Variants in CNTNAP4 observed in about 807,000 individuals in gnomAD.
The protein encoded by CNTNAP4 is contactin associated protein family member 4.
In CNTNAP4, 98 loss-of-function variants were observed where a neutral mutation model predicts 148.4. The ratio of observed to expected loss-of-function variants is 0.66; its 90% CI spans 0.56 to 0.78. The LOEUF (loss-of-function observed/expected upper bound fraction) is 0.78. CNTNAP4 is among the 30% of genes least tolerant of loss of function. The pLI is 0.00. For synonymous variants in CNTNAP4, 730 were observed against 565.1 expected (o/e 1.29, Z -4.14); for missense variants, 1,935 against 1,565.6 (o/e 1.24, Z -3.98).
chr16:76,459,332 A>G (rs1326472281), intron 8 of CNTNAP4, among the ~76,000 whole-genome samples: 1 of 152,250 alleles, frequency 6.6e-6, no homozygotes, highest in Non-Finnish European at 1.5e-5. Context: ...TCTATTTCAG[A>G]GTCCACTCTT....
At chr16:76,445,006 T>C (rs1432558180) in intron 4 of CNTNAP4, among the ~76,000 whole-genome samples, 1 of 152,186 alleles carries the variant, frequency 6.6e-6, no homozygotes, top group African/African-American at 2.4e-5. Context: ...GAGTACTAAA[T>C]TATTTCCTGT....
intron 12 of CNTNAP4, among the ~76,000 whole-genome samples, chr16:76,480,897 A>G (rs2143673914): frequency 6.6e-6 from 1 of 152,348 alleles, no homozygotes; most frequent in South Asian, 2.1e-4. Flanking sequence ...CAACAAGCAT[A>G]TTCTAAAATT....
chr16:76,374,981 C>T (rs1232930820), intron 3 of CNTNAP4, among the ~76,000 whole-genome samples: 1 of 151,904 alleles, frequency 6.6e-6, no homozygotes, highest in Non-Finnish European at 1.5e-5. Context: ...GTTGGCCAGG[C>T]TGGTCTCGAA....
intron 3 of CNTNAP4, among the ~76,000 whole-genome samples, chr16:76,357,216 G>C (rs1004703207): frequency 6.6e-6 from 1 of 152,106 alleles, no homozygotes; most frequent in Non-Finnish European, 1.5e-5. Flanking sequence ...TAGATGTTTG[G>C]ATTATCTTCT....
intron 7 of CNTNAP4, among the ~76,000 whole-genome samples, chr16:76,451,906 AAAGAT>A (rs2080497486): frequency 6.6e-6 from 1 of 152,170 alleles, no homozygotes; most frequent in African/African-American, 2.4e-5. Context: ...AACACAAAGA[AAAGAT>A]AAATGTTTGA....
chr16:76,316,247 G>A, intron 1 of CNTNAP4, 166 bp from the exon 2 acceptor site: 2 of 654,618 alleles, frequency 3.1e-6, no homozygotes, highest in Non-Finnish European at 5.6e-6. Flanking sequence ...TTTTCTCATT[G>A]AACTTACTAG....
intron 21 of CNTNAP4, among the ~76,000 whole-genome samples, chr16:76,547,408 A>G (rs1428999732): frequency 6.6e-6 from 1 of 152,176 alleles, no homozygotes; most frequent in Non-Finnish European, 1.5e-5. Context: ...AAAAATCACT[A>G]CTCAAAAGTT....
intron 2 of CNTNAP4, among the ~76,000 whole-genome samples, chr16:76,328,980 T>C (rs1963270000): frequency 6.6e-6 from 1 of 152,222 alleles, no homozygotes; most frequent in Non-Finnish European, 1.5e-5. Flanking sequence ...AAAGGGTGTT[T>C]TGGGAACCCT....
At chr16:76,320,228 G>C (rs1207830342) in intron 2 of CNTNAP4, among the ~76,000 whole-genome samples, 1 of 152,120 alleles carries the variant, frequency 6.6e-6, no homozygotes, top group Non-Finnish European at 1.5e-5. Flanking sequence ...TCTAATGCTG[G>C]GTAAAGATTA....
rs762233676 is a variant in CNTNAP4 at position 76,538,326 on chromosome 16, T to C, written c.3206T>C (p.Ile1069Thr). 15 of 1,602,634 alleles carry C rather than the reference T, an allele frequency of 9.4e-6. No individual in the cohort carries two copies. The African/African-American group carries it at 1.3e-4, about 14-fold the overall frequency. ...TTTTACAAAGAATACCTTTCTGTGA[T>C]CATTGCCAAAAATGGTGAGTTCTTT... ...SSFYKEYLSV[I>T]IAKNGSLQIR... Residue 1069 changes from isoleucine (I) to threonine (T), a missense_variant, in exon 19 of 24, where the codon ATC (isoleucine) becomes ACC (threonine). Coordinates refer to ENST00000611870, the MANE Select transcript of CNTNAP4 (RefSeq NM_033401.5).
intron 2 of CNTNAP4, among the ~76,000 whole-genome samples, chr16:76,324,228 T>C (rs1232597964): frequency 2.6e-5 from 4 of 152,192 alleles, no homozygotes; most frequent in Admixed American, 6.5e-5. Flanking sequence ...GTGGCCCAAC[T>C]GAAATCGATA....
At chr16:76,471,300 G>A (rs1461383954) in intron 10 of CNTNAP4, among the ~76,000 whole-genome samples, 2 of 152,126 alleles carry the variant, frequency 1.3e-5, no homozygotes, top group African/African-American at 4.8e-5. Flanking sequence ...CAGGAGTGAT[G>A]GCTACTAAGA....
rs182316380 is a variant in CNTNAP4 at position 76,540,653 on chromosome 16, A to G, written c.3355-50A>G. 21 of 1,369,158 alleles carry G rather than the reference A, an allele frequency of 1.5e-5. No individual in the cohort carries two copies. In the South Asian group the frequency reaches 2.0e-4, roughly 13 times the overall value. 84.8% of individuals were successfully genotyped at this position (1,369,158 alleles called of 1,614,324 possible). A position where few individuals can be genotyped will look rare whatever the true frequency, so the allele number is the denominator to read the frequency against. On this transcript the variant is annotated intron_variant, in intron 20 of 23. Coordinates refer to ENST00000611870, the MANE Select transcript of CNTNAP4 (RefSeq NM_033401.5). ...TCCTCTGTTGCTTCCTGTCTTCTCA[A>G]CAAAACGTCATCCATTTGGATGTTT...
chr16:76,467,191 T>C (rs1294229764), intron 9 of CNTNAP4, among the ~76,000 whole-genome samples, 161 bp from the exon 10 acceptor site: 1 of 152,210 alleles, frequency 6.6e-6, no homozygotes, highest in African/African-American at 2.4e-5. Flanking sequence ...GAATTTCAGT[T>C]TGTAATTTAG....
intron 17 of CNTNAP4, among the ~76,000 whole-genome samples, chr16:76,524,884 A>T (rs1289780070): frequency 6.6e-6 from 1 of 152,080 alleles, no homozygotes; most frequent in Admixed American, 6.6e-5. Flanking sequence ...AAATCTGTTT[A>T]TGCATTTTCC....
intron 15 of CNTNAP4, among the ~76,000 whole-genome samples, chr16:76,499,281 T>C (rs2082532491): frequency 6.6e-6 from 1 of 152,126 alleles, no homozygotes; most frequent in Admixed American, 6.5e-5. Context: ...GACACATTTA[T>C]TTCCTTCAAC....
At chr16:76,500,631 TG>T in intron 15 of CNTNAP4, among the ~76,000 whole-genome samples, 1 of 151,678 alleles carries the variant, frequency 6.6e-6, no homozygotes, top group South Asian at 2.1e-4. Context: ...TGTGTGTGTG[TG>T]TGTGTGTGTG....
chr16:76,448,843 T>C lies in CNTNAP4; in HGVS notation c.819T>C (p.His273=). The C allele has an allele frequency of 6.2e-7, 1 of 1,613,128 alleles. No individual in the cohort carries two copies. The highest frequency in any genetic ancestry group is 8.5e-7 in the Non-Finnish European group (1 of 1,179,496). The change falls in exon 6 of 24, where the codon CAT becomes CAC. Residue 273 remains histidine, a synonymous_variant. Coordinates refer to ENST00000611870, the MANE Select transcript of CNTNAP4 (RefSeq NM_033401.5). The part of the protein sequence containing the change: ...LGSLLDDQHW[H]SVLIQRLGKQ... ...GCCTGCTAGATGATCAGCATTGGCATTCAGTGCTCATCCAGCGTTTGGGCA... is the reference window on the plus strand; with the variant it reads ...GCCTGCTAGATGATCAGCATTGGCACTCAGTGCTCATCCAGCGTTTGGGCA...
At chr16:76,285,988 G>C (rs1953969800) in intron 1 of CNTNAP4, among the ~76,000 whole-genome samples, 1 of 151,922 alleles carries the variant, frequency 6.6e-6, no homozygotes, top group Non-Finnish European at 1.5e-5. Context: ...CAAATTTCTA[G>C]GCTAATAGCT....
Sources: allele counts gnomAD v4.1 joint callset (sites outside exome capture counted in the v4.1 genomes callset), GRCh38; gene constraint gnomAD v4.1.1; transcripts MANE v1.5; gene names NCBI Gene and HGNC (gene_info 2026-07-23, HGNC 2026-07-21).